Variants in TNRC6A observed in about 807,000 individuals in gnomAD.
The protein encoded by TNRC6A is trinucleotide repeat-containing gene 6A protein.
In TNRC6A, 44 loss-of-function variants were observed where a neutral mutation model predicts 221.2. The observed-to-expected ratio is 0.20, with a 90% CI of 0.16 to 0.26. The LOEUF is 0.26. Among genes scored for constraint, TNRC6A ranks in the 10% least tolerant of loss-of-function variants. The pLI is 1.00. For missense variants in TNRC6A, 2,199 were observed against 2,404.4 expected, an observed-to-expected ratio of 0.91 and a Z score of 1.79; for synonymous variants, 847 against 838.5, an observed-to-expected ratio of 1.01 and a Z score of -0.18.
chr16:24,641,617 G>A (rs554473132), intron 2 of TNRC6A, among the ~76,000 whole-genome samples: 46 of 152,324 alleles, frequency 3.0e-4, no homozygotes, highest in African/African-American at 1.1e-3. Flanking sequence ...TATTTCTACT[G>A]AAGGATGTTC....
intron 2 of TNRC6A, among the ~76,000 whole-genome samples, chr16:24,744,699 A>G (rs886152574): frequency 1.3e-5 from 2 of 152,092 alleles, no homozygotes; most frequent in Non-Finnish European, 1.5e-5. Flanking sequence ...CTTCCTTCCT[A>G]AGGGGAAGAC....
At chr16:24,757,246 C>A (rs779372981) in intron 3 of TNRC6A, among the ~76,000 whole-genome samples, 1 of 151,200 alleles carries the variant, frequency 6.6e-6, no homozygotes, top group Non-Finnish European at 1.5e-5. Flanking sequence ...GAGCAAGACT[C>A]CCTGGCTTTC....
intron 1 of TNRC6A, among the ~76,000 whole-genome samples, chr16:24,619,980 A>C (rs71391573): frequency 0.092 from 13,943 of 152,136 alleles, 839 homozygotes; most frequent in Non-Finnish European, 0.13. Context: ...AGGCTGTATA[A>C]AAAATTAAAA....
chr16:24,757,754 G>A (rs2057283215), intron 3 of TNRC6A, among the ~76,000 whole-genome samples: 1 of 152,206 alleles, frequency 6.6e-6, no homozygotes, highest in South Asian at 2.1e-4. Context: ...ATTGTCAGAT[G>A]TGTCAGAAGT....
intron 2 of TNRC6A, among the ~76,000 whole-genome samples, chr16:24,730,921 G>A (rs1179948115): frequency 1.3e-5 from 2 of 151,288 alleles, no homozygotes; most frequent in African/African-American, 2.4e-5. Context: ...CTTTTCTCCA[G>A]AAGAGGTTAT....
At chr16:24,788,452 T>A (rs2058020936) in intron 5 of TNRC6A, among the ~76,000 whole-genome samples, 1 of 152,204 alleles carries the variant, frequency 6.6e-6, no homozygotes, top group Non-Finnish European at 1.5e-5. Flanking sequence ...TTTTATAAAC[T>A]TGTTACAATA....
At chr16:24,791,845 C>G in intron 6 of TNRC6A, 28 bp downstream of exon 6, 1 of 1,472,792 alleles carries the variant, frequency 6.8e-7, no homozygotes, top group Non-Finnish European at 9.0e-7. Flanking sequence ...GAAATCAAGC[C>G]TTGTTTTAAC....
At chr16:24,813,035 C>G (rs2058581306) in intron 18 of TNRC6A, among the ~76,000 whole-genome samples, 1 of 151,910 alleles carries the variant, frequency 6.6e-6, no homozygotes, top group African/African-American at 2.4e-5. Flanking sequence ...ACTGCCACGC[C>G]TGGCTAGTTT....
At chr16:24,749,601 G>A (rs1825035833) in intron 2 of TNRC6A, among the ~76,000 whole-genome samples, 2 of 152,130 alleles carry the variant, frequency 1.3e-5, no homozygotes, top group Non-Finnish European at 2.9e-5. Context: ...CACCAGAAAG[G>A]ATGGTGCCTA....
intron 1 of TNRC6A, among the ~76,000 whole-genome samples, chr16:24,624,623 C>T (rs1024755804): frequency 1.3e-5 from 2 of 152,070 alleles, no homozygotes; most frequent in East Asian, 3.9e-4. Context: ...GAACCACAGG[C>T]ACACATCACC....
Position 24,804,742 on chromosome 16 carries a change from T to G in TNRC6A, c.3875T>G (p.Phe1292Cys), listed in dbSNP as rs2058395867. 6.2e-7 allele frequency: 1 copy of G among 1,606,766 alleles called. No individual in the cohort carries two copies. The highest frequency in any genetic ancestry group is 8.5e-7 in the Non-Finnish European group (1 of 1,178,494). ...IVADESQNMQ[F>C]MSSQSMKLPP... ...GCAGATGAATCCCAAAACATGCAGT[T>G]TATGTCCAGTCAAAGCATGAAGCTT... The change falls in exon 13 of 25, where the codon TTT becomes TGT. Residue 1292 changes from phenylalanine to cysteine, a missense_variant. Transcript: ENST00000395799.
chr16:24,638,116 G>T (rs766445158), intron 1 of TNRC6A, among the ~76,000 whole-genome samples: 1 of 152,130 alleles, frequency 6.6e-6, no homozygotes, highest in African/African-American at 2.4e-5. Flanking sequence ...ACAAAAACAG[G>T]CAGCAAAAAT....
At chr16:24,643,497 C>T (rs938226076) in intron 2 of TNRC6A, among the ~76,000 whole-genome samples, 3 of 152,052 alleles carry the variant, frequency 2.0e-5, no homozygotes, top group Admixed American at 2.0e-4. Context: ...ATTCTTAATC[C>T]AGACACCTCT....
intron 3 of TNRC6A, 114 bp downstream of exon 3, chr16:24,750,927 G>T: frequency 9.8e-7 from 1 of 1,017,166 alleles, no homozygotes; most frequent in Non-Finnish European, 1.3e-6. Context: ...CTTTAATGGA[G>T]ATTCATTTTA....
Position 24,751,920 on chromosome 16 carries a change from G to C in TNRC6A, c.141+1107G>C, listed in dbSNP as rs545750195. Among the ~76,000 whole-genome samples, 27 of 152,206 alleles carry C rather than the reference G, an allele frequency of 1.8e-4. 1 individual carries two copies. The South Asian group carries it at 5.6e-3, about 32-fold the overall frequency. ...GTAGAAATTAGGTGAATAAGGAGCA[G>C]AATAGAAAAGGATTCCAAACAGTGA... On this transcript the variant is annotated intron_variant, in intron 3 of 24. Transcript: ENST00000395799.
chr16:24,690,408 T>A (rs1264291267), intron 2 of TNRC6A, among the ~76,000 whole-genome samples: 1 of 152,082 alleles, frequency 6.6e-6, no homozygotes, highest in Non-Finnish European at 1.5e-5. Flanking sequence ...AAGTGGAGGT[T>A]TTTTTCCTCA....
intron 2 of TNRC6A, among the ~76,000 whole-genome samples, chr16:24,703,832 C>T (rs2056037529): frequency 6.6e-6 from 1 of 151,598 alleles, no homozygotes; most frequent in Non-Finnish European, 1.5e-5. Context: ...GCCTGTAATC[C>T]CAGCACTTTG....
chr16:24,624,222 C>A (rs1311129868), intron 1 of TNRC6A, among the ~76,000 whole-genome samples: 1 of 152,166 alleles, frequency 6.6e-6, no homozygotes, highest in Non-Finnish European at 1.5e-5. Context: ...AGCACGCAAA[C>A]CCAAATGTGC....
intron 5 of TNRC6A, among the ~76,000 whole-genome samples, chr16:24,787,611 A>C (rs1023881726): frequency 6.6e-6 from 1 of 152,218 alleles, no homozygotes; most frequent in African/African-American, 2.4e-5. Flanking sequence ...AAAGATGGCA[A>C]ATCTTCTTTG....
Sources: gnomAD v4.1 joint callset for allele counts (sites outside exome capture counted in the v4.1 genomes callset) on GRCh38, gnomAD v4.1.1 for gene constraint, MANE v1.5 for transcripts, NCBI Gene and HGNC (gene_info 2026-07-23, HGNC 2026-07-21) for gene names.